The following SHPRH variants were observed in gnomAD, a reference collection of about 807,000 sequenced individuals.
SHPRH encodes SNF2 histone linker PHD RING helicase, also known as E3 ubiquitin-protein ligase SHPRH.
A neutral mutation model predicts 202.5 loss-of-function variants in SHPRH; 106 were observed. The observed-to-expected ratio is 0.52, with a 90% CI of 0.45 to 0.62. The LOEUF (loss-of-function observed/expected upper bound fraction) is 0.62, where lower values mean the gene tolerates loss of function less well. Among genes scored for constraint, SHPRH ranks in the 20% least tolerant of loss-of-function variants. SHPRH has a pLI of 0.00. For missense variants in SHPRH, 1,710 were observed against 2,020.0 expected, an observed-to-expected ratio of 0.85 and a Z score of 2.94; for synonymous variants, 729 against 686.0, an observed-to-expected ratio of 1.06 and a Z score of -0.98.
In SHPRH at chr6:145,870,259, A is replaced by ATTTTTTTTTTTTTTTTTTTTTTTT. The variant is rs146513776; in HGVS notation, c.222-5769_222-5768insAAAAAAAAAAAAAAAAAAAAAAAA. Among the ~76,000 whole-genome samples, 7 of 107,740 alleles carry ATTTTTTTTTTTTTTTTTTTTTTTT rather than the reference A, an allele frequency of 6.5e-5. No homozygotes were observed. The East Asian group carries it at 1.6e-3, about 25-fold the overall frequency. The allele number at this position is 107,740 out of a possible 152,430, so 70.7% of individuals were successfully genotyped here. ...AGGGTTTTTTTGTCAATCGTTTCAGATTTTTTTTTTTTTTTTTTTTGAGAT... is the reference window on the plus strand; with the variant it reads ...AGGGTTTTTTTGTCAATCGTTTCAGATTTTTTTTTTTTTTTTTTTTTTTTTTTTTTTTTTTTTTTTTTTTGAGAT... On this transcript the variant is annotated intron_variant, in intron 2 of 2. Coordinates refer to the SHPRH transcript ENST00000417762.
intron 14 of SHPRH, among the ~76,000 whole-genome samples, chr6:145,931,801 T>C (rs995075527): frequency 6.6e-6 from 1 of 152,100 alleles, no homozygotes; most frequent in African/African-American, 2.4e-5. Context: ...AATCTTACAA[T>C]ATTATACATC....
intron 14 of SHPRH, among the ~76,000 whole-genome samples, chr6:145,930,579 T>C (rs1037773597): frequency 2.6e-5 from 4 of 152,206 alleles, no homozygotes; most frequent in African/African-American, 2.4e-5. Flanking sequence ...ACTGTGGGCA[T>C]AGAACACACT....
intron 25 of SHPRH, chr6:145,906,448 A>C (rs982984370): frequency 3.9e-5 from 6 of 152,192 alleles, no homozygotes; most frequent in Admixed American, 6.6e-5. Context: ...ACCTATGCTT[A>C]TATCTTTTGT....
chr6:145,924,892 A>C (rs1323801575), intron 16 of SHPRH, 46 bp from the exon 17 acceptor site: 1 of 1,446,658 alleles, frequency 6.9e-7, no homozygotes, highest in Admixed American at 1.7e-5. Context: ...AATCTAGAAT[A>C]TAATTCAGTA....
rs999433102 is a variant in SHPRH, at chr6:145,921,136, A to C, written c.4008+31T>G. 6 of 1,564,552 alleles carry C rather than the reference A, an allele frequency of 3.8e-6. No homozygotes were observed. In the Admixed American group the frequency reaches 9.0e-5, roughly 24 times the overall value. On this transcript the variant is annotated intron_variant, in intron 21 of 29. Coordinates refer to ENST00000275233, the MANE Select transcript of SHPRH (RefSeq NM_001042683.3). ...ATTGATGTAAAAAAGAAGAATTTTT[A>C]ATTTTGGAAGGAAGTTTTAAAATAC...
At chr6:145,887,280 A>G (rs1444279819) in intron 29 of SHPRH, among the ~76,000 whole-genome samples, 15 of 152,180 alleles carry the variant, frequency 9.9e-5, no homozygotes, top group African/African-American at 2.9e-4. Context: ...GAAAATTTCT[A>G]GTTTCAAATT....
rs1167364611 is a variant in SHPRH, at chr6:145,955,165, T to C, written c.158A>G (p.His53Arg). The change falls in exon 2 of 30, where the codon CAT (histidine) becomes CGT (arginine). Residue 53 changes from histidine to arginine, a missense_variant. Coordinates refer to ENST00000275233, the MANE Select transcript of SHPRH (RefSeq NM_001042683.3). The stretch of plus-strand genomic sequence containing the variant: ...TAGACTATCACTTAGAATGATATAA[T>C]GAGCAGAAGAGGTATCTGAACCTGG... ...PCPGSDTSSA[H>R]YIILSDSLKE... is the part of the protein sequence containing the mutation. 2 of 1,613,928 alleles carry C rather than the reference T, an allele frequency of 1.2e-6. No individual in the cohort carries two copies. Among genetic ancestry groups the C allele is most frequent in the Non-Finnish European group, 8.5e-7 (1 of 1,179,964 alleles).
intron 7 of SHPRH, among the ~76,000 whole-genome samples, chr6:145,945,936 C>A (rs557507865): frequency 6.6e-6 from 1 of 151,964 alleles, no homozygotes; most frequent in East Asian, 1.9e-4. Context: ...GTATACGCTA[C>A]CATTAGTATG....
intron 1 of SHPRH, among the ~76,000 whole-genome samples, chr6:145,959,480 T>A (rs1156372215): frequency 2.0e-5 from 3 of 149,724 alleles, no homozygotes; most frequent in Non-Finnish European, 4.4e-5. Flanking sequence ...TGTAGTAGGC[T>A]GGCGGTACCA....
intron 23 of SHPRH, among the ~76,000 whole-genome samples, chr6:145,915,315 A>G (rs1040048879): frequency 2.0e-5 from 3 of 151,568 alleles, no homozygotes; most frequent in African/African-American, 7.2e-5. Context: ...AACCCATAAG[A>G]CAGCATTGTT....
At position 145,935,321 on chromosome 6, in the gene SHPRH, G is replaced by A; in HGVS notation, c.2690C>T (p.Ala897Val). The A allele has an allele frequency of 6.2e-7, 1 of 1,613,912 alleles. No homozygotes were observed. Among genetic ancestry groups the A allele is most frequent in the Non-Finnish European group, 8.5e-7 (1 of 1,179,984 alleles). The change falls in exon 12 of 30, where the codon GCC becomes GTC. Residue 897 changes from alanine (A) to valine (V), a missense_variant. By Grantham distance (64) the Ala-to-Val change is moderately conservative. Around this residue, in one of 8 missense-constraint regions of SHPRH, gnomAD observed 277 missense variants for 363.0 expected, o/e 0.76. Transcript: ENST00000275233. ...KNPQHLYSFI[A>V]KILWRSAKKD... is the part of the protein sequence containing the mutation. Reference sequence around the variant, plus strand: ...CTTTGCAGACCTCCACAGTATCTTGGCAATAAAGCTGTAGAGATGCTGAGG... The same window carrying A: ...CTTTGCAGACCTCCACAGTATCTTGACAATAAAGCTGTAGAGATGCTGAGG...
At position 145,943,721 on chromosome 6, in the gene SHPRH, CTGATGGCAAGTA is replaced by C. The variant is rs770734607; in HGVS notation, c.1648_1659del (p.Tyr550_Ser553del). ...GGATCATCATCATCATCAGAGGTGT[CTGATGGCAAGTA>C]TTCAGAATCTGTGTCCTTGTTCCCT... On this transcript the variant is annotated inframe_deletion, in exon 9 of 30. Transcript: ENST00000275233. 600 of 1,613,104 alleles carry C rather than the reference CTGATGGCAAGTA, an allele frequency of 3.7e-4. No homozygotes were observed. Among genetic ancestry groups the C allele is most frequent in the Middle Eastern group, 5.0e-4 (3 of 6,054 alleles).
In SHPRH at chr6:145,943,363, G is replaced by A; in HGVS notation, c.2018C>T (p.Pro673Leu). The A allele has an allele frequency of 5.6e-6, 9 of 1,613,904 alleles. No individual in the cohort carries two copies. Among genetic ancestry groups the A allele is most frequent in the Non-Finnish European group, 7.6e-6 (9 of 1,179,948 alleles). ...GTGACACTTCAGGCATTGAACACGA[G>A]GCTTACGATCTATCTGATCAAGTTC... is the stretch of plus-strand genomic sequence containing the variant. ...CGELDQIDRK[P>L]RVQCLKCHLW... Residue 673 changes from proline to leucine, a missense_variant, in exon 9 of 30, where the codon CCT (proline) becomes CTT (leucine). This residue lies in a region of SHPRH where 348 missense variants were observed against 356.9 expected (regional missense o/e 0.97). Coordinates refer to ENST00000275233, the MANE Select transcript of SHPRH (RefSeq NM_001042683.3).
chr6:145,935,477 C>CT, intron 11 of SHPRH, 36 bp from the exon 12 acceptor site: 1 of 1,600,748 alleles, frequency 6.2e-7, no homozygotes, highest in Non-Finnish European at 8.5e-7. Context: ...GAGGATAACT[C>CT]TATTACTTCA....
At chr6:145,867,714 A>G (rs1779865862) in intron 2 of SHPRH, among the ~76,000 whole-genome samples, 1 of 147,740 alleles carries the variant, frequency 6.8e-6, no homozygotes, top group Non-Finnish European at 1.5e-5. Flanking sequence ...AAAAGGCACT[A>G]TAACCACAGA....
chr6:145,889,727 AG>A (rs985544973), intron 28 of SHPRH, among the ~76,000 whole-genome samples: 41 of 152,316 alleles, frequency 2.7e-4, no homozygotes, highest in African/African-American at 9.4e-4. Flanking sequence ...AAAATCCTAC[AG>A]GCAAAACACT....
At chr6:145,920,208 G>A (rs1784323067) in intron 21 of SHPRH, among the ~76,000 whole-genome samples, 1 of 152,036 alleles carries the variant, frequency 6.6e-6, no homozygotes, top group Admixed American at 6.6e-5. Flanking sequence ...CTGTGAAAAG[G>A]TCTGCAAAGT....
Position 145,946,256 on chromosome 6 carries a change from G to A in SHPRH, c.1298C>T (p.Pro433Leu). Residue 433 changes from proline (P) to leucine (L), a missense_variant, in exon 7 of 30, where the codon CCA (proline) becomes CTA (leucine). This residue lies in a region of SHPRH where 348 missense variants were observed against 356.9 expected (regional missense o/e 0.97). Transcript: ENST00000275233. ...KTEIQNIEFE[P>L]KEKVQCPPTR... is the part of the protein sequence containing the mutation. The stretch of plus-strand genomic sequence containing the variant: ...ACGAGGGCATTGAACTTTTTCTTTT[G>A]GTTCAAATTCGATATTCTGGATTTC... The A allele has an allele frequency of 6.2e-7, 1 of 1,607,944 alleles. No homozygotes were observed. The highest frequency in any genetic ancestry group is 8.5e-7 in the Non-Finnish European group (1 of 1,177,138).
intron 13 of SHPRH, among the ~76,000 whole-genome samples, chr6:145,934,251 G>C (rs188600246): frequency 6.6e-6 from 1 of 152,014 alleles, no homozygotes; most frequent in Admixed American, 6.5e-5. Flanking sequence ...TGGATTACCT[G>C]AGGTCTGGAG....
Sources: allele counts gnomAD v4.1 joint callset (sites outside exome capture counted in the v4.1 genomes callset), GRCh38; gene constraint gnomAD v4.1.1; regional missense constraint gnomAD v4.1.1; transcripts MANE v1.5; gene names NCBI Gene and HGNC (gene_info 2026-07-23, HGNC 2026-07-21).